The following SCAPER variants were observed in gnomAD, a reference collection of about 807,000 sequenced individuals.
The protein encoded by SCAPER is S phase cyclin A-associated protein in the endoplasmic reticulum.
In SCAPER, 98 loss-of-function variants were observed where a neutral mutation model predicts 182.2. That is an observed-to-expected ratio of 0.54 (90% CI 0.46 to 0.64). The LOEUF (loss-of-function observed/expected upper bound fraction) is 0.64. Among genes scored for constraint, SCAPER ranks in the 30% least tolerant of loss-of-function variants. The probability of loss-of-function intolerance (pLI) is 0.00; values close to 1 mark genes in which losing one functional copy is unlikely to be tolerated. For synonymous variants in SCAPER, 605 were observed against 564.6 expected (o/e 1.07, Z -1.01); for missense variants, 1,432 against 1,690.0 (o/e 0.85, Z 2.68).
chr15:76,828,191 C>A (rs2068165624), intron 5 of SCAPER, among the ~76,000 whole-genome samples: 1 of 151,252 alleles, frequency 6.6e-6, no homozygotes, highest in African/African-American at 2.4e-5. Context: ...AAATAAATTT[C>A]TTATCTTTAT....
intron 24 of SCAPER, among the ~76,000 whole-genome samples, chr15:76,498,847 C>T (rs2040849315): frequency 6.6e-6 from 1 of 152,054 alleles, no homozygotes; most frequent in African/African-American, 2.4e-5. Context: ...CTCCATTTCA[C>T]ATCATTCGAA....
intron 14 of SCAPER, among the ~76,000 whole-genome samples, chr15:76,762,920 G>C (rs1216718896): frequency 3.3e-5 from 5 of 152,112 alleles, no homozygotes; most frequent in Admixed American, 2.6e-4. Context: ...GCCTCCTAAA[G>C]TACTGGGATT....
chr15:76,451,589 T>TTGC (rs573423074), intron 25 of SCAPER, among the ~76,000 whole-genome samples: 213 of 152,304 alleles, frequency 1.4e-3, no homozygotes, highest in South Asian at 4.4e-3. Flanking sequence ...AGACCTAATA[T>TTGC]TGCTGCTTTT....
At chr15:76,783,743 A>C (rs1274621462) in intron 8 of SCAPER, among the ~76,000 whole-genome samples, 1 of 152,224 alleles carries the variant, frequency 6.6e-6, no homozygotes. Flanking sequence ...TACACAAATC[A>C]ATAAATGTAA....
At chr15:76,826,384 G>A (rs1032620870) in intron 5 of SCAPER, among the ~76,000 whole-genome samples, 1 of 138,062 alleles carries the variant, frequency 7.2e-6, no homozygotes, top group Non-Finnish European at 1.5e-5. Flanking sequence ...GACACAGGAA[G>A]GGGAACATCA....
chr15:76,898,405 C>G (rs919089660), intron 1 of SCAPER, among the ~76,000 whole-genome samples: 1 of 152,114 alleles, frequency 6.6e-6, no homozygotes, highest in African/African-American at 2.4e-5. Context: ...GGTTTATACT[C>G]AAGAGAAATG....
chr15:76,747,707 T>G (rs11631959), intron 15 of SCAPER, among the ~76,000 whole-genome samples: 1 of 151,728 alleles, frequency 6.6e-6, no homozygotes, highest in East Asian at 2.0e-4. Flanking sequence ...GGTACCTCCC[T>G]CCTCTCTTAC....
At chr15:76,891,855 A>G (rs928851665) in intron 1 of SCAPER, among the ~76,000 whole-genome samples, 1 of 152,200 alleles carries the variant, frequency 6.6e-6, no homozygotes, top group African/African-American at 2.4e-5. Context: ...ACCAAAAAAG[A>G]GCCTGAATTG....
intron 16 of SCAPER, among the ~76,000 whole-genome samples, chr15:76,730,067 G>A (rs559290752): frequency 1.3e-5 from 2 of 151,924 alleles, no homozygotes; most frequent in Admixed American, 1.3e-4. Flanking sequence ...TTAATTACAG[G>A]TAAGTTCTCA....
chr15:76,762,381 T>C (rs568598328), intron 14 of SCAPER, among the ~76,000 whole-genome samples: 1 of 151,520 alleles, frequency 6.6e-6, no homozygotes, highest in East Asian at 1.9e-4. Context: ...TTTTTTTTTT[T>C]CTAATGGTTT....
intron 5 of SCAPER, among the ~76,000 whole-genome samples, chr15:76,833,591 C>T (rs1396591243): frequency 6.6e-6 from 1 of 152,108 alleles, no homozygotes; most frequent in East Asian, 1.9e-4. Context: ...AGAAGCAAGA[C>T]CCAACTGTAG....
intron 2 of SCAPER, among the ~76,000 whole-genome samples, chr15:76,872,631 T>C (rs975513990): frequency 2.6e-5 from 4 of 151,344 alleles, no homozygotes; most frequent in Non-Finnish European, 4.4e-5. Flanking sequence ...ATAATCTAGG[T>C]TTGCACGCAA....
intron 15 of SCAPER, among the ~76,000 whole-genome samples, chr15:76,744,630 CAAG>C (rs2061701738): frequency 6.6e-6 from 1 of 152,000 alleles, no homozygotes; most frequent in South Asian, 2.1e-4. Flanking sequence ...AGTTAAAAAA[CAAG>C]AGATGCTGGC....
intron 23 of SCAPER, among the ~76,000 whole-genome samples, chr15:76,547,169 C>A (rs2045366329): frequency 6.6e-6 from 1 of 152,172 alleles, no homozygotes; most frequent in Non-Finnish European, 1.5e-5. Flanking sequence ...CAGCAGTGTA[C>A]AGGTTTCCGT....
rs145562198 is a variant in SCAPER, at chr15:76,379,469, T to C, written c.3705+1909A>G. On this transcript the variant is annotated intron_variant, in intron 28 of 31. Transcript: ENST00000563290. ...TTTTATTTATTTTTTATTTATTTTG[T>C]TATTTCATTTCTTTTTATCCCTAGA... Among the ~76,000 whole-genome samples, 816 of 152,130 alleles carry C rather than the reference T, an allele frequency of 5.4e-3. 6 individuals are homozygous for C. Among genetic ancestry groups the C allele is most frequent in the African/African-American group, 0.019 (790 of 41,472 alleles).
In SCAPER at chr15:76,504,915, G is replaced by A; in HGVS notation, c.2898C>T (p.Ile966=). The A allele has an allele frequency of 1.2e-6, 2 of 1,613,010 alleles. No homozygotes were observed. The highest frequency in any genetic ancestry group is 1.7e-6 in the Non-Finnish European group (2 of 1,179,552). Residue 966 remains isoleucine (I), a synonymous_variant, in exon 24 of 32, where the codon ATC becomes ATT. Coordinates refer to ENST00000563290, the MANE Select transcript of SCAPER (RefSeq NM_020843.4). The stretch of plus-strand genomic sequence containing the variant: ...TTGTGGCTGGGACTACTGCTTGAAG[G>A]ATGTGTTCAAGGGCTGTTAATCCAC... The part of the protein sequence containing the change: ...AAGGLTALEH[I]LQAVVPATNV...
chr15:76,456,891 T>C (rs950327434), intron 25 of SCAPER, among the ~76,000 whole-genome samples: 3 of 152,228 alleles, frequency 2.0e-5, no homozygotes, highest in Admixed American at 6.5e-5. Flanking sequence ...TCTACTCTGA[T>C]ATTAATATAG....
intron 4 of SCAPER, among the ~76,000 whole-genome samples, chr15:76,856,959 A>G (rs1407437201): frequency 6.6e-6 from 1 of 152,238 alleles, no homozygotes; most frequent in Non-Finnish European, 1.5e-5. Context: ...AAACACTTTC[A>G]AAAGATAAAG....
At chr15:76,682,227 G>A (rs2057755894) in intron 20 of SCAPER, among the ~76,000 whole-genome samples, 1 of 151,868 alleles carries the variant, frequency 6.6e-6, no homozygotes, top group African/African-American at 2.4e-5. Flanking sequence ...ACCCACATCT[G>A]TGACAGTGCA....
Sources: allele counts gnomAD v4.1 joint callset (sites outside exome capture counted in the v4.1 genomes callset), GRCh38; gene constraint gnomAD v4.1.1; transcripts MANE v1.5; gene names NCBI Gene and HGNC (gene_info 2026-07-23, HGNC 2026-07-21).